Variants in PTPRM observed in about 807,000 individuals in gnomAD.
The protein encoded by PTPRM is receptor-type tyrosine-protein phosphatase mu.
A neutral mutation model predicts 186.7 loss-of-function variants in PTPRM; 47 were observed. The observed-to-expected ratio is 0.25, with a 90% CI of 0.20 to 0.32. The LOEUF is 0.32. Among genes scored for constraint, PTPRM ranks in the 10% least tolerant of loss-of-function variants. The pLI, the probability that PTPRM is intolerant of heterozygous loss-of-function variation, is 1.00. For missense variants in PTPRM, 1,494 were observed against 1,865.0 expected, an observed-to-expected ratio of 0.80 and a Z score of 3.66; for synonymous variants, 668 against 674.9, an observed-to-expected ratio of 0.99 and a Z score of 0.16.
intron 2 of PTPRM, among the ~76,000 whole-genome samples, chr18:7,796,130 C>T (rs2043630898): frequency 6.6e-6 from 1 of 151,234 alleles, no homozygotes; most frequent in Admixed American, 6.6e-5. Flanking sequence ...TGGACTCAAA[C>T]ACCACACAGC....
At chr18:7,645,996 A>G (rs2038552267) in intron 1 of PTPRM, among the ~76,000 whole-genome samples, 1 of 152,196 alleles carries the variant, frequency 6.6e-6, no homozygotes, top group Admixed American at 6.5e-5. Context: ...CTGTGTGCCC[A>G]CAACCTTTAG....
At chr18:8,252,548 T>C in intron 18 of PTPRM, 49 bp downstream of exon 18, 2 of 1,515,336 alleles carry the variant, frequency 1.3e-6, no homozygotes, top group East Asian at 2.3e-5. Context: ...GGAGTGGGAG[T>C]GTGTGTCTTA....
chr18:7,646,342 C>A (rs563167763), intron 1 of PTPRM, among the ~76,000 whole-genome samples: 1 of 152,290 alleles, frequency 6.6e-6, no homozygotes, highest in African/African-American at 2.4e-5. Flanking sequence ...CAGGGGCATC[C>A]TCATTGCCTC....
intron 5 of PTPRM, among the ~76,000 whole-genome samples, chr18:7,932,465 G>A (rs994323648): frequency 2.0e-5 from 3 of 151,910 alleles, no homozygotes; most frequent in Admixed American, 6.6e-5. Flanking sequence ...GTTTATTATA[G>A]GTAACTCCAT....
intron 3 of PTPRM, among the ~76,000 whole-genome samples, chr18:7,891,423 A>G (rs2146387521): frequency 6.6e-6 from 1 of 152,306 alleles, no homozygotes; most frequent in African/African-American, 2.4e-5. Context: ...TATTTATAAA[A>G]CAAAAAGTAA....
chr18:7,706,178 C>T (rs1284690154), intron 1 of PTPRM, among the ~76,000 whole-genome samples: 1 of 151,398 alleles, frequency 6.6e-6, no homozygotes, highest in African/African-American at 2.4e-5. Context: ...TTGAGAGTGA[C>T]ATATAGAAGT....
At chr18:8,045,773 T>G (rs773317955) in intron 7 of PTPRM, among the ~76,000 whole-genome samples, 1 of 152,194 alleles carries the variant, frequency 6.6e-6, no homozygotes, top group Non-Finnish European at 1.5e-5. Flanking sequence ...GTGAATGTAC[T>G]AAAAACCATT....
intron 1 of PTPRM, among the ~76,000 whole-genome samples, chr18:7,599,403 C>CA (rs2143723843): frequency 6.6e-6 from 1 of 152,296 alleles, no homozygotes; most frequent in African/African-American, 2.4e-5. Context: ...TAAATAGTCT[C>CA]AAATAATTCT....
In PTPRM at chr18:8,279,881, C is replaced by G. The variant is rs145272107; in HGVS notation, c.2755-16487C>G. 5.5e-3 allele frequency among the ~76,000 whole-genome samples: 843 copies of G among 152,314 alleles called. 8 individuals carry two copies. Among genetic ancestry groups the G allele is most frequent in the African/African-American group, 0.019 (795 of 41,558 alleles). On this transcript the variant is annotated intron_variant, in intron 19 of 32. Transcript: ENST00000580170. ...CCCAGTGCTCACCACACAGCCTCAG[C>G]TCAGGGGTCTGGCTTTCTAGATAGT...
intron 2 of PTPRM, among the ~76,000 whole-genome samples, chr18:7,848,434 G>C (rs2046704902): frequency 6.6e-6 from 1 of 152,138 alleles, no homozygotes; most frequent in African/African-American, 2.4e-5. Flanking sequence ...CTGTCATTTA[G>C]TGTCTTCATT....
At chr18:7,813,845 T>C (rs2044661677) in intron 2 of PTPRM, among the ~76,000 whole-genome samples, 1 of 152,194 alleles carries the variant, frequency 6.6e-6, no homozygotes, top group Non-Finnish European at 1.5e-5. Context: ...ATTCTTCAGC[T>C]GTATCCTTTC....
At chr18:8,187,097 G>T (rs946128903) in intron 14 of PTPRM, among the ~76,000 whole-genome samples, 1 of 151,952 alleles carries the variant, frequency 6.6e-6, no homozygotes, top group Non-Finnish European at 1.5e-5. Context: ...ATGCCACCAC[G>T]CTGGGCAAAT....
intron 14 of PTPRM, among the ~76,000 whole-genome samples, chr18:8,225,276 A>G (rs1163852692): frequency 6.6e-6 from 1 of 152,220 alleles, no homozygotes; most frequent in East Asian, 1.9e-4. Flanking sequence ...CAGTAGTGTC[A>G]TTATCAGTGA....
intron 7 of PTPRM, among the ~76,000 whole-genome samples, chr18:8,029,283 TC>T (rs1167877914): frequency 2.1e-5 from 2 of 94,952 alleles, no homozygotes; most frequent in Non-Finnish European, 4.1e-5. Context: ...CTGGAGTGCC[TC>T]CCCCACACCT....
Position 8,114,843 on chromosome 18 carries a change from G to T in PTPRM, c.2167+16G>T. ...GCCACAAAAGGTAGGTTGAAATTGT[G>T]GGATATTCTCCTAATTAATGTTCCT... On this transcript the variant is annotated intron_variant, in intron 13 of 32. Coordinates refer to ENST00000580170, the MANE Select transcript of PTPRM (RefSeq NM_001105244.2). 6.2e-7 allele frequency: 1 copy of T among 1,605,660 alleles called. No individual in the cohort carries two copies. The highest frequency in any genetic ancestry group is 1.7e-5 in the Admixed American group (1 of 59,154).
At chr18:8,035,942 A>G (rs2086297340) in intron 7 of PTPRM, among the ~76,000 whole-genome samples, 1 of 152,226 alleles carries the variant, frequency 6.6e-6, no homozygotes, top group Non-Finnish European at 1.5e-5. Context: ...TGACATATTT[A>G]TTATGCCTCA....
intron 1 of PTPRM, among the ~76,000 whole-genome samples, chr18:7,764,682 C>A (rs1337099728): frequency 6.6e-6 from 1 of 152,154 alleles, no homozygotes; most frequent in Admixed American, 6.6e-5. Flanking sequence ...TTTCTGAGTT[C>A]CTAGGTGATG....
chr18:7,629,708 C>A (rs1598573160), intron 1 of PTPRM, among the ~76,000 whole-genome samples: 2 of 152,142 alleles, frequency 1.3e-5, no homozygotes, highest in South Asian at 2.1e-4. Context: ...TTAAGCACAA[C>A]TGAAACCATT....
intron 22 of PTPRM, among the ~76,000 whole-genome samples, chr18:8,324,518 A>G (rs537095514): frequency 6.6e-6 from 1 of 152,368 alleles, no homozygotes; most frequent in African/African-American, 2.4e-5. Context: ...GAAATAACAC[A>G]TGTACCACAG....
Sources: allele counts gnomAD v4.1 joint callset (sites outside exome capture counted in the v4.1 genomes callset), GRCh38; gene constraint gnomAD v4.1.1; transcripts MANE v1.5; gene names NCBI Gene and HGNC (gene_info 2026-07-23, HGNC 2026-07-21).